Variants in DOCK1 observed in about 807,000 individuals in gnomAD.
DOCK1 encodes dedicator of cytokinesis 1.
A neutral mutation model predicts 262.7 loss-of-function variants in DOCK1; 138 were observed. The observed-to-expected ratio is 0.53, with a 90% CI of 0.46 to 0.61. The LOEUF (loss-of-function observed/expected upper bound fraction) is 0.61, where lower values mean the gene tolerates loss of function less well. Among genes scored for constraint, DOCK1 ranks in the 20% least tolerant of loss-of-function variants. DOCK1 has a pLI of 0.00. For synonymous variants in DOCK1, 866 were observed against 867.4 expected, an observed-to-expected ratio of 1.00 and a Z score of 0.03; for missense variants, 1,908 against 2,370.7, an observed-to-expected ratio of 0.80 and a Z score of 4.05.
At chr10:127,201,041 C>T (rs1400409786) in intron 27 of DOCK1, among the ~76,000 whole-genome samples, 10 of 152,354 alleles carry the variant, frequency 6.6e-5, no homozygotes, top group African/African-American at 1.4e-4. Context: ...CAGTGCTCAA[C>T]GCCTACGAGG....
At chr10:127,156,514 T>A (rs1339432527) in intron 27 of DOCK1, among the ~76,000 whole-genome samples, 1 of 151,826 alleles carries the variant, frequency 6.6e-6, no homozygotes, top group Non-Finnish European at 1.5e-5. Flanking sequence ...TCTTCTCTTT[T>A]CTTTACTTTT....
intron 35 of DOCK1, among the ~76,000 whole-genome samples, chr10:127,378,658 A>T (rs1177319379): frequency 6.6e-6 from 1 of 152,220 alleles, no homozygotes; most frequent in East Asian, 1.9e-4. Flanking sequence ...AATTGTAAAG[A>T]AAAATGATCA....
chr10:127,227,803 G>C (rs2134515821), intron 27 of DOCK1, among the ~76,000 whole-genome samples: 1 of 152,290 alleles, frequency 6.6e-6, no homozygotes, highest in Non-Finnish European at 1.5e-5. Flanking sequence ...TTTGACTTTT[G>C]CCCCTTCTGC....
Position 127,439,245 on chromosome 10 carries a change from T to A in DOCK1, c.5259+20T>A, listed in dbSNP as rs750538841. ...GAAACGGTAACCCGACAGGGTATCT[T>A]TCCTCGCTCTGCGGTAGCTTCAGGG... On this transcript the variant is annotated intron_variant, in intron 49 of 51. Coordinates refer to ENST00000623213, the MANE Select transcript of DOCK1 (RefSeq NM_001290223.2). 1 of 1,595,658 alleles carries A rather than the reference T, an allele frequency of 6.3e-7. No homozygotes were observed. Among genetic ancestry groups the A allele is most frequent in the Non-Finnish European group, 8.5e-7 (1 of 1,170,856 alleles).
rs1156473027 is a variant in DOCK1, at chr10:126,951,322, ATTG to A, written c.47-19376_47-19374del. On this transcript the variant is annotated intron_variant, in intron 1 of 51. Transcript: ENST00000623213. ...TAGTAGTGGTAGTATTGTTGGTAGT[ATTG>A]TTGGTGATAGTGGTGATGGTAGTAT... is the stretch of plus-strand genomic sequence containing the variant. 3.3e-5 allele frequency among the ~76,000 whole-genome samples: 5 copies of A among 149,662 alleles called. No homozygotes were observed. In the East Asian group the frequency reaches 8.0e-4, roughly 24 times the overall value.
In DOCK1 at chr10:127,447,444, C is replaced by G. The variant is rs779989177; in HGVS notation, c.5464C>G (p.Pro1822Ala). 2.5e-6 allele frequency: 4 copies of G among 1,613,552 alleles called. No individual in the cohort carries two copies. Among genetic ancestry groups the G allele is most frequent in the Non-Finnish European group, 3.4e-6 (4 of 1,179,700 alleles). Residue 1822 changes from proline (P) to alanine (A), a missense_variant, in exon 51 of 52, where the codon CCT (proline) becomes GCT (alanine). Physicochemically the swap from Pro to Ala is conservative, Grantham distance 27. Transcript: ENST00000623213. ...TGADVADVPPPLPLKGSVADY... is the reference protein window; with the variant it reads ...TGADVADVPPALPLKGSVADY... Reference sequence around the variant, plus strand: ...GGCGGACGTGGCCGATGTCCCACCCCCTCTGCCTCTCAAAGGCAGCGTGGC... The same window carrying G: ...GGCGGACGTGGCCGATGTCCCACCCGCTCTGCCTCTCAAAGGCAGCGTGGC...
In DOCK1 at chr10:127,254,542, C is replaced by G. The variant is rs1484956671; in HGVS notation, c.2950-2793C>G. ...CTACTGGCGATGCTGAATTTCACCA[C>G]TGGGTTCAAAGCTGGTAACTTCCAG... On this transcript the variant is annotated intron_variant, in intron 28 of 51. Transcript: ENST00000623213. 2.6e-5 allele frequency among the ~76,000 whole-genome samples: 4 copies of G among 152,214 alleles called. No individual in the cohort carries two copies. In the East Asian group the frequency reaches 5.8e-4, roughly 22 times the overall value.
intron 29 of DOCK1, among the ~76,000 whole-genome samples, chr10:127,326,174 A>G (rs2062741404): frequency 6.6e-6 from 1 of 152,162 alleles, no homozygotes; most frequent in African/African-American, 2.4e-5. Context: ...TGAGGTGGCT[A>G]TGACAGTTTT....
chr10:127,379,665 C>A (rs1178049042), intron 35 of DOCK1, among the ~76,000 whole-genome samples: 1 of 152,146 alleles, frequency 6.6e-6, no homozygotes, highest in Non-Finnish European at 1.5e-5. Flanking sequence ...TGAGGCTGGG[C>A]CCAGAAAGCT....
chr10:127,213,516 T>C (rs1031758140), intron 27 of DOCK1, among the ~76,000 whole-genome samples: 1 of 152,238 alleles, frequency 6.6e-6, no homozygotes. Flanking sequence ...TTAAAGAGAT[T>C]GATCACGTGA....
At chr10:127,274,513 C>A (rs1026294807) in intron 29 of DOCK1, among the ~76,000 whole-genome samples, 1 of 152,124 alleles carries the variant, frequency 6.6e-6, no homozygotes, top group East Asian at 1.9e-4. Flanking sequence ...GCTACACCAG[C>A]GATGGCCATG....
At chr10:127,439,602 GC>G (rs2069944664) in intron 49 of DOCK1, among the ~76,000 whole-genome samples, 2 of 152,168 alleles carry the variant, frequency 1.3e-5, no homozygotes, top group Non-Finnish European at 2.9e-5. Context: ...CCTTCCCCTT[GC>G]CCCTTGCTGA....
intron 29 of DOCK1, among the ~76,000 whole-genome samples, chr10:127,325,915 A>G (rs1205674349): frequency 6.6e-6 from 1 of 152,238 alleles, no homozygotes; most frequent in Non-Finnish European, 1.5e-5. Flanking sequence ...GAAGTTTGCA[A>G]TAAAGCAAGT....
At chr10:127,311,422 G>A (rs2062058965) in intron 29 of DOCK1, among the ~76,000 whole-genome samples, 1 of 152,152 alleles carries the variant, frequency 6.6e-6, no homozygotes, top group Non-Finnish European at 1.5e-5. Flanking sequence ...TACACTTAGG[G>A]CATCCCTATT....
chr10:127,110,359 G>A lies in DOCK1; in HGVS notation c.2623+5G>A. ...GTGACCTCTTCACACAGCATGGTGA[G>A]TGGAACCCCAAGAATTATTCACTTG... On this transcript the variant is annotated splice_donor_5th_base_variant and intron_variant, in intron 25 of 51. Coordinates refer to ENST00000623213, the MANE Select transcript of DOCK1 (RefSeq NM_001290223.2). The A allele has an allele frequency of 6.2e-7, 1 of 1,606,128 alleles. No homozygotes were observed. Among genetic ancestry groups the A allele is most frequent in the Non-Finnish European group, 8.5e-7 (1 of 1,174,562 alleles).
At chr10:126,951,851 C>CGTT (rs2036278262) in intron 1 of DOCK1, among the ~76,000 whole-genome samples, 21 of 86,574 alleles carry the variant, frequency 2.4e-4, no homozygotes, top group Middle Eastern at 7.4e-3. Context: ...TCAGCCTCTT[C>CGTT]ATTTTTTTTT....
intron 23 of DOCK1, among the ~76,000 whole-genome samples, 153 bp downstream of exon 23, chr10:127,061,929 CTTTTTTTTTTTTTTT>C (rs562310710): frequency 4.2e-5 from 3 of 71,786 alleles, no homozygotes. Flanking sequence ...AAGAGCTGTG[CTTTTTTTTTTTTTTT>C]TTTTTTTTTT....
chr10:127,248,459 G>T (rs2059506325), intron 28 of DOCK1, among the ~76,000 whole-genome samples: 1 of 152,142 alleles, frequency 6.6e-6, no homozygotes, highest in Non-Finnish European at 1.5e-5. Flanking sequence ...TCATTTATTG[G>T]TTGACTTTTT....
Position 127,257,262 on chromosome 10 carries a change from C to A in DOCK1, c.2950-73C>A, listed in dbSNP as rs1452718172. The A allele has an allele frequency of 8.3e-6, 10 of 1,211,556 alleles. No individual in the cohort carries two copies. The East Asian group carries it at 2.6e-4, about 31-fold the overall frequency. 75.1% of individuals were successfully genotyped at this position (1,211,556 alleles called of 1,614,324 possible). ...CCTTTAAAATGGGGTATTTTATAAT[C>A]TAATTGACAGGAGGGTATCATGTTT... is the stretch of plus-strand genomic sequence containing the variant. On this transcript the variant is annotated intron_variant, in intron 28 of 51. Coordinates refer to ENST00000623213, the MANE Select transcript of DOCK1 (RefSeq NM_001290223.2).
Sources: allele counts gnomAD v4.1 joint callset (sites outside exome capture counted in the v4.1 genomes callset), GRCh38; gene constraint gnomAD v4.1.1; transcripts MANE v1.5; gene names NCBI Gene and HGNC (gene_info 2026-07-23, HGNC 2026-07-21).